The following PTPN13 variants were observed in gnomAD, a reference collection of about 807,000 sequenced individuals.
PTPN13 encodes the protein tyrosine-protein phosphatase non-receptor type 13.
PTPN13 carries 191 observed loss-of-function variants against 284.0 expected under a neutral mutation model. That is an observed-to-expected ratio of 0.67 (90% CI 0.60 to 0.76). PTPN13 has a LOEUF of 0.76. Among genes scored for constraint, PTPN13 ranks in the 30% least tolerant of loss-of-function variants. The probability of loss-of-function intolerance (pLI) is 0.00; values close to 1 mark genes in which losing one functional copy is unlikely to be tolerated. For synonymous variants in PTPN13, 986 were observed against 1,022.3 expected (o/e 0.96, Z 0.68); for missense variants, 2,797 against 2,939.9 (o/e 0.95, Z 1.12).
intron 1 of PTPN13, among the ~76,000 whole-genome samples, chr4:86,607,964 T>G (rs568537198): frequency 6.6e-6 from 1 of 151,982 alleles, no homozygotes; most frequent in Non-Finnish European, 1.5e-5. Flanking sequence ...TGTAGTAATA[T>G]AAAATTGGAA....
intron 2 of PTPN13, among the ~76,000 whole-genome samples, chr4:86,643,530 C>A (rs1359649044): frequency 1.3e-5 from 2 of 152,118 alleles, no homozygotes; most frequent in African/African-American, 4.8e-5. Flanking sequence ...GGGAATAAAT[C>A]TGTTAAATAA....
At chr4:86,792,508 C>T (rs1742803817) in intron 40 of PTPN13, among the ~76,000 whole-genome samples, 1 of 152,128 alleles carries the variant, frequency 6.6e-6, no homozygotes, top group Non-Finnish European at 1.5e-5. Context: ...ATACAGAGAA[C>T]ACCACAAAGA....
At chr4:86,706,372 T>C (rs1445289532) in intron 7 of PTPN13, among the ~76,000 whole-genome samples, 2 of 152,164 alleles carry the variant, frequency 1.3e-5, no homozygotes, top group African/African-American at 2.4e-5. Context: ...CTAACTGCCT[T>C]CCAAGTCCCT....
In PTPN13 at chr4:86,613,108, A is replaced by G. The variant is rs538751809; in HGVS notation, c.-6+18319A>G. ...ATTGAACTTGATAATAGGCTGAGAA[A>G]AGTAAATTGGCCCACTTTATAAGAC... On this transcript the variant is annotated intron_variant, in intron 1 of 47. Transcript: ENST00000411767. 2.6e-3 allele frequency among the ~76,000 whole-genome samples: 403 copies of G among 152,328 alleles called. 2 individuals carry two copies. Among genetic ancestry groups the G allele is most frequent in the African/African-American group, 9.4e-3 (389 of 41,576 alleles).
intron 15 of PTPN13, among the ~76,000 whole-genome samples, chr4:86,738,499 T>C (rs1241627593): frequency 1.3e-5 from 2 of 152,218 alleles, no homozygotes; most frequent in East Asian, 3.8e-4. Flanking sequence ...TATTTGCCAT[T>C]TATATATCAT....
At chr4:86,635,494 A>G in intron 2 of PTPN13, 123 bp downstream of exon 2, 2 of 1,393,762 alleles carry the variant, frequency 1.4e-6, no homozygotes, top group Non-Finnish European at 1.9e-6. Context: ...AGAGTATGAA[A>G]GGAATACTTT....
chr4:86,658,040 C>G (rs144364453), intron 2 of PTPN13, among the ~76,000 whole-genome samples: 2 of 152,162 alleles, frequency 1.3e-5, no homozygotes, highest in Non-Finnish European at 2.9e-5. Context: ...GTCCTTGTGG[C>G]CTGACTGCCA....
chr4:86,748,699 A>G lies in PTPN13; in HGVS notation c.2651-1771A>G, dbSNP rs1320336835. Among the ~76,000 whole-genome samples the G allele has an allele frequency of 2.0e-5, 3 of 152,130 alleles. No individual in the cohort carries two copies. In the East Asian group the frequency reaches 5.8e-4, roughly 29 times the overall value. On this transcript the variant is annotated intron_variant, in intron 17 of 47. Coordinates refer to ENST00000411767, the MANE Select transcript of PTPN13 (RefSeq NM_080683.3). ...TTAATGTAGTATCGCTCTGTTGCTC[A>G]GGCTGGAGTGCAGTGGCGCGATCTC...
chr4:86,758,204 A>C, intron 20 of PTPN13, 56 bp from the exon 21 acceptor site: 1 of 1,206,762 alleles, frequency 8.3e-7, no homozygotes, highest in Non-Finnish European at 1.2e-6. Flanking sequence ...AAACAAGCTG[A>C]CAGTCTTAAT....
intron 7 of PTPN13, among the ~76,000 whole-genome samples, chr4:86,709,880 T>C: frequency 1.3e-5 from 1 of 76,082 alleles, no homozygotes; most frequent in Non-Finnish European, 2.9e-5. Context: ...ACTAACAGTT[T>C]GTTTACAGAG....
rs6821849 is a variant in PTPN13 at position 86,773,876 on chromosome 4, A to G, written c.5350-497A>G. On this transcript the variant is annotated intron_variant, in intron 32 of 47. Transcript: ENST00000411767. ...AATCTTTTAAAAGTATATTTTATTT[A>G]TACAACAAAATTAATAAGATTGTGA... is the stretch of plus-strand genomic sequence containing the variant. 6.7e-3 allele frequency among the ~76,000 whole-genome samples: 1,023 copies of G among 152,254 alleles called. 10 individuals are homozygous for G. The highest frequency in any genetic ancestry group is 0.022 in the African/African-American group (924 of 41,568).
rs138933930 is a variant in PTPN13, at chr4:86,750,763, C to T, written c.2944C>T (p.Arg982Trp). The change falls in exon 18 of 48, where the codon CGG becomes TGG. Residue 982 changes from arginine (R) to tryptophan (W), a missense_variant. By Grantham distance (101) the Arg-to-Trp change is moderately radical. Transcript: ENST00000411767. Reference protein sequence around the residue: ...DLSQASLYPHRKNVIVNMEPP... With the variant: ...DLSQASLYPHWKNVIVNMEPP... Reference sequence around the variant, plus strand: ...CAGTCAGGCCTCTCTCTATCCACATCGGAAAAATGTCATTGTTAACATGGA... The same window carrying T: ...CAGTCAGGCCTCTCTCTATCCACATTGGAAAAATGTCATTGTTAACATGGA... The T allele has an allele frequency of 3.3e-4, 528 of 1,613,490 alleles. 4 individuals carry two copies. The East Asian group carries it at 6.0e-3, about 18-fold the overall frequency.
intron 41 of PTPN13, among the ~76,000 whole-genome samples, chr4:86,797,507 GA>G (rs1220101922): frequency 6.6e-6 from 1 of 151,470 alleles, no homozygotes; most frequent in African/African-American, 2.4e-5. Flanking sequence ...AAAAAAGAAA[GA>G]AAAAAAGTTT....
At chr4:86,664,853 A>G (rs1471629698) in intron 2 of PTPN13, among the ~76,000 whole-genome samples, 3 of 152,214 alleles carry the variant, frequency 2.0e-5, no homozygotes, top group Non-Finnish European at 2.9e-5. Context: ...TGCTACTTGA[A>G]TCAGGTGGCC....
chr4:86,652,839 C>G (rs1725253214), intron 2 of PTPN13, among the ~76,000 whole-genome samples: 2 of 151,896 alleles, frequency 1.3e-5, no homozygotes, highest in Admixed American at 6.6e-5. Context: ...TTCTATTGCA[C>G]TGTCTGTCTT....
intron 1 of PTPN13, among the ~76,000 whole-genome samples, chr4:86,611,122 C>T (rs1307174112): frequency 6.6e-6 from 1 of 152,038 alleles, no homozygotes; most frequent in African/African-American, 2.4e-5. Context: ...TCAGTATCTC[C>T]CTGCTTCTCC....
Position 86,785,298 on chromosome 4 carries a change from G to A in PTPN13, c.6186G>A (p.Leu2062=), listed in dbSNP as rs1165641968. 15 of 1,607,266 alleles carry A rather than the reference G, an allele frequency of 9.3e-6. No individual in the cohort carries two copies. The highest frequency in any genetic ancestry group is 8.5e-7 in the Non-Finnish European group (1 of 1,174,936). The change falls in exon 39 of 48, where the codon CTG becomes CTA. Residue 2062 remains leucine, a synonymous_variant. Coordinates refer to ENST00000411767, the MANE Select transcript of PTPN13 (RefSeq NM_080683.3). Reference sequence around the variant, plus strand: ...AAGCTGAAGTTATCCAGTCTCTGCTGGATGTTGTGGATGAGGAAGCCCAGA... The same window carrying A: ...AAGCTGAAGTTATCCAGTCTCTGCTAGATGTTGTGGATGAGGAAGCCCAGA... ...SQEAEVIQSL[L]DVVDEEAQNL...
chr4:86,769,032 A>AT (rs966910457), intron 28 of PTPN13, among the ~76,000 whole-genome samples: 28 of 150,032 alleles, frequency 1.9e-4, no homozygotes, highest in Middle Eastern at 6.9e-3. Context: ...CTTTAAATAG[A>AT]TTTTTTTTTT....
At chr4:86,677,378 G>A (rs79424151) in intron 3 of PTPN13, among the ~76,000 whole-genome samples, 4 of 147,962 alleles carry the variant, frequency 2.7e-5, no homozygotes, top group South Asian at 2.2e-4. Flanking sequence ...GCAGTGGCAC[G>A]ATCTCAGCTC....
Sources: gnomAD v4.1 joint callset for allele counts (sites outside exome capture counted in the v4.1 genomes callset) on GRCh38, gnomAD v4.1.1 for gene constraint, MANE v1.5 for transcripts, NCBI Gene and HGNC (gene_info 2026-07-23, HGNC 2026-07-21) for gene names.